ABI3BP: variants seen among roughly 807,000 people sequenced by gnomAD.
ABI3BP encodes target of Nesh-SH3.
In ABI3BP, 216 loss-of-function variants were observed where a neutral mutation model predicts 268.6. The observed-to-expected ratio is 0.80, with a 90% CI of 0.72 to 0.90. The LOEUF (loss-of-function observed/expected upper bound fraction) is 0.90, where lower values mean the gene tolerates loss of function less well. ABI3BP is among the 40% of genes least tolerant of loss of function. The pLI is 0.00. For synonymous variants in ABI3BP, 730 were observed against 730.0 expected (o/e 1.00, Z 0.00); for missense variants, 2,090 against 2,182.4 (o/e 0.96, Z 0.84).
chr3:100,933,434 C>T (rs866334721), intron 1 of ABI3BP, among the ~76,000 whole-genome samples: 2 of 151,814 alleles, frequency 1.3e-5, no homozygotes, highest in African/African-American at 4.8e-5. Flanking sequence ...TACTCAGCTA[C>T]TTATTTCATT....
intron 1 of ABI3BP, among the ~76,000 whole-genome samples, chr3:100,961,197 C>T (rs781372477): frequency 3.3e-5 from 5 of 152,248 alleles, no homozygotes; most frequent in African/African-American, 4.8e-5. Flanking sequence ...CACTGAAATA[C>T]TATCCCCAAA....
chr3:100,850,027 A>G lies in ABI3BP; in HGVS notation c.1501+18T>C. ...GTTTCGTCAATGCATACATAACTAC[A>G]TAAATGTCATTAGTTACCAGGTGTC... is the stretch of plus-strand genomic sequence containing the variant. On this transcript the variant is annotated intron_variant, in intron 17 of 67. Transcript: ENST00000471714. The G allele has an allele frequency of 6.2e-7, 1 of 1,604,174 alleles. No homozygotes were observed. The highest frequency in any genetic ancestry group is 8.5e-7 in the Non-Finnish European group (1 of 1,173,632).
At chr3:100,783,941 C>T (rs1368270164) in intron 57 of ABI3BP, among the ~76,000 whole-genome samples, 1 of 152,212 alleles carries the variant, frequency 6.6e-6, no homozygotes, top group Non-Finnish European at 1.5e-5. Context: ...AGGTAGGACA[C>T]ATCAGCTAAG....
intron 51 of ABI3BP, among the ~76,000 whole-genome samples, chr3:100,803,705 C>A (rs1187031623): frequency 1.3e-5 from 2 of 152,170 alleles, no homozygotes; most frequent in Non-Finnish European, 2.9e-5. Flanking sequence ...TTAATTTCCA[C>A]AATTGAAAAT....
intron 59 of ABI3BP, among the ~76,000 whole-genome samples, chr3:100,776,041 T>TA (rs1355706963): frequency 6.6e-6 from 1 of 152,122 alleles, no homozygotes; most frequent in Non-Finnish European, 1.5e-5. Context: ...TGGTGGCCAG[T>TA]ATAGTGCTAC....
At chr3:100,793,537 A>C (rs1272624821) in intron 54 of ABI3BP, among the ~76,000 whole-genome samples, 1 of 152,088 alleles carries the variant, frequency 6.6e-6, no homozygotes, top group Non-Finnish European at 1.5e-5. Context: ...AGTAGAAGTT[A>C]AATAATTAGC....
intron 4 of ABI3BP, 105 bp from the exon 5 acceptor site, chr3:100,886,428 T>C (rs1431761878): frequency 1.3e-6 from 1 of 792,362 alleles, no homozygotes; most frequent in Non-Finnish European, 1.8e-6. Flanking sequence ...GGGATACTAT[T>C]TAATATTGGC....
intron 4 of ABI3BP, among the ~76,000 whole-genome samples, chr3:100,891,578 G>A (rs759965747): frequency 2.0e-5 from 3 of 152,168 alleles, no homozygotes; most frequent in Admixed American, 6.5e-5. Flanking sequence ...TAATAGAGCA[G>A]AGTTTTGAAC....
intron 36 of ABI3BP, among the ~76,000 whole-genome samples, chr3:100,824,478 A>G (rs2098326391): frequency 1.3e-5 from 2 of 152,290 alleles, no homozygotes; most frequent in South Asian, 2.1e-4. Flanking sequence ...TAAAGCTGAC[A>G]TATCACCCAT....
intron 35 of ABI3BP, 122 bp from the exon 36 acceptor site, chr3:100,825,063 C>T (rs1036587439): frequency 5.2e-5 from 41 of 784,304 alleles, no homozygotes; most frequent in South Asian, 3.7e-4. Context: ...TTTAGTTTTA[C>T]TTTTTCATTC....
chr3:100,862,627 C>A, intron 13 of ABI3BP: 1 of 582,286 alleles, frequency 1.7e-6, no homozygotes, highest in Non-Finnish European at 3.0e-6. Context: ...GGACAAAAAG[C>A]TAAGTGGATT....
At chr3:100,793,368 T>G (rs1004894482) in intron 54 of ABI3BP, among the ~76,000 whole-genome samples, 1 of 152,006 alleles carries the variant, frequency 6.6e-6, no homozygotes. Context: ...TTGCCCATAT[T>G]GGATCCAAGG....
At chr3:100,758,111 A>G (rs558079307) in intron 63 of ABI3BP, among the ~76,000 whole-genome samples, 2 of 150,844 alleles carry the variant, frequency 1.3e-5, no homozygotes, top group East Asian at 3.9e-4. Flanking sequence ...CAAACAAACA[A>G]AAAAAAAACA....
chr3:100,986,985 T>C (rs2091952036), intron 1 of ABI3BP, among the ~76,000 whole-genome samples: 1 of 152,222 alleles, frequency 6.6e-6, no homozygotes, highest in African/African-American at 2.4e-5. Flanking sequence ...GTGGTCATTT[T>C]AACAAATGTA....
At chr3:100,815,857 G>A in intron 44 of ABI3BP, 55 bp downstream of exon 44, 1 of 1,330,494 alleles carries the variant, frequency 7.5e-7, no homozygotes, top group Non-Finnish European at 1.0e-6. Flanking sequence ...CAGTGCTCAA[G>A]TGCGTTTTTA....
At chr3:100,943,177 A>G (rs566048033) in intron 1 of ABI3BP, among the ~76,000 whole-genome samples, 1 of 150,014 alleles carries the variant, frequency 6.7e-6, no homozygotes, top group Non-Finnish European at 1.5e-5. Flanking sequence ...AAACATACAA[A>G]AACTTGAATT....
At position 100,821,597 on chromosome 3, in the gene ABI3BP, CTTTTTTTTTTT is replaced by C. The variant is rs369631203; in HGVS notation, c.2888-495_2888-485del. Among the ~76,000 whole-genome samples, 4 of 119,136 alleles carry C rather than the reference CTTTTTTTTTTT, an allele frequency of 3.4e-5. No individual in the cohort carries two copies. The South Asian group carries it at 7.7e-4, about 23-fold the overall frequency. 78.2% of individuals were successfully genotyped at this position (119,136 alleles called of 152,430 possible). A position where few individuals can be genotyped will look rare whatever the true frequency, so the allele number is the denominator to read the frequency against. On this transcript the variant is annotated intron_variant, in intron 38 of 67. Coordinates refer to ENST00000471714, the MANE Select transcript of ABI3BP (RefSeq NM_001375547.2). ...ATTTGCCTGTCATCTTGAAGTAAGA[CTTTTTTTTTTT>C]TTTTTTTTTTTTGAGATGGAGTCTT... is the stretch of plus-strand genomic sequence containing the variant.
chr3:100,880,228 C>G (rs893483325), intron 6 of ABI3BP, among the ~76,000 whole-genome samples: 9 of 152,188 alleles, frequency 5.9e-5, no homozygotes, highest in Non-Finnish European at 1.5e-5. Flanking sequence ...GGCTCCCACA[C>G]TGTTTTGGCT....
intron 4 of ABI3BP, among the ~76,000 whole-genome samples, chr3:100,888,074 C>G (rs888557347): frequency 6.6e-6 from 1 of 151,918 alleles, no homozygotes; most frequent in Admixed American, 6.6e-5. Context: ...TATATTCAGC[C>G]TACTTTCTTA....
Sources: gnomAD v4.1 joint callset for allele counts (sites outside exome capture counted in the v4.1 genomes callset) on GRCh38, gnomAD v4.1.1 for gene constraint, MANE v1.5 for transcripts, NCBI Gene and HGNC (gene_info 2026-07-23, HGNC 2026-07-21) for gene names.